Variants in OR1J2 observed in about 807,000 individuals in gnomAD.
The protein encoded by OR1J2 is olfactory receptor family 1 subfamily J member 2.
For synonymous variants in OR1J2, 142 were observed against 99.7 expected (o/e 1.42, Z -2.52); for missense variants, 304 against 246.1 (o/e 1.24, Z -1.57).
chr9:122,510,296 G>A (rs750307912), upstream of OR1J2, among the ~76,000 whole-genome samples: 2 of 152,166 alleles, frequency 1.3e-5, no homozygotes, highest in Non-Finnish European at 2.9e-5. Flanking sequence ...TTTGGGAGCA[G>A]TAACTTGGCT....
the OR1J2 span, among the ~76,000 whole-genome samples, chr9:122,465,030 A>G: frequency 1.3e-5 from 2 of 152,310 alleles, no homozygotes; most frequent in Admixed American, 1.3e-4. Context: ...TTTTGAAAGA[A>G]AAATTTACTT....
the OR1J2 span, among the ~76,000 whole-genome samples, chr9:122,449,225 G>C: frequency 6.6e-6 from 1 of 152,118 alleles, no homozygotes; most frequent in Non-Finnish European, 1.5e-5. Context: ...TCATCTTCCT[G>C]TATCTACAAT....
At chr9:122,557,383 C>A in the OR1J2 span, among the ~76,000 whole-genome samples, 6 of 152,118 alleles carry the variant, frequency 3.9e-5, no homozygotes, top group South Asian at 1.0e-3. Context: ...CTTTATCTCT[C>A]TATTCCTAGT....
the OR1J2 span, chr9:122,519,083 T>G: frequency 1.7e-6 from 2 of 1,178,894 alleles, no homozygotes; most frequent in Non-Finnish European, 2.5e-6. Context: ...AATCAACATT[T>G]GTTTGTTTCT....
the OR1J2 span, chr9:122,554,258 A>G: frequency 2.1e-6 from 2 of 946,902 alleles, no homozygotes; most frequent in Non-Finnish European, 3.2e-6. Flanking sequence ...TATTAGGGGA[A>G]GGTTATCCGT....
the OR1J2 span, among the ~76,000 whole-genome samples, chr9:122,538,193 G>T: frequency 2.1e-5 from 3 of 140,680 alleles, no homozygotes; most frequent in African/African-American, 5.3e-5. Flanking sequence ...CCTTATCTGT[G>T]CCTGCAGGCT....
At chr9:122,507,074 C>G (rs926542963), upstream of OR1J2, among the ~76,000 whole-genome samples, 98 of 152,156 alleles carry the variant, frequency 6.4e-4, no homozygotes, top group African/African-American at 2.2e-3. Context: ...TCTGTTTACT[C>G]AGGACAACAC....
the OR1J2 span, among the ~76,000 whole-genome samples, chr9:122,523,144 A>C: frequency 4.2e-4 from 64 of 152,324 alleles, 1 homozygote; most frequent in Admixed American, 2.0e-3. Context: ...GGGTTGAAGG[A>C]TGCTCAGGAT....
At chr9:122,508,538 C>A (rs1219046356), upstream of OR1J2, among the ~76,000 whole-genome samples, 1 of 152,030 alleles carries the variant, frequency 6.6e-6, no homozygotes, top group Non-Finnish European at 1.5e-5. Flanking sequence ...AGAGGGATGG[C>A]ATAGAGTCTC....
the OR1J2 span, among the ~76,000 whole-genome samples, chr9:122,468,418 T>G: frequency 6.6e-6 from 1 of 152,190 alleles, no homozygotes; most frequent in Non-Finnish European, 1.5e-5. Context: ...GTGCTTTACA[T>G]AAATTTACCA....
At chr9:122,566,362 G>A in the OR1J2 span, among the ~76,000 whole-genome samples, 9,566 of 152,202 alleles carry the variant, frequency 0.063, 422 homozygotes, top group Non-Finnish European at 0.097. Context: ...ATAAAGATGA[G>A]GAAATATTCT....
the OR1J2 span, among the ~76,000 whole-genome samples, chr9:122,566,258 T>C: frequency 6.6e-6 from 1 of 152,230 alleles, no homozygotes. Flanking sequence ...TATGAAGTCT[T>C]TCACCATTGC....
the OR1J2 span, among the ~76,000 whole-genome samples, chr9:122,580,072 G>T: frequency 2.6e-5 from 4 of 152,154 alleles, no homozygotes; most frequent in African/African-American, 9.6e-5. Context: ...CACTAACTGG[G>T]TAATTGGTCA....
chr9:122,531,211 G>A, the OR1J2 span, among the ~76,000 whole-genome samples: 2 of 152,164 alleles, frequency 1.3e-5, no homozygotes, highest in Non-Finnish European at 1.5e-5. Flanking sequence ...GATATTGTGG[G>A]GTTGTTAGAA....
the OR1J2 span, among the ~76,000 whole-genome samples, chr9:122,482,137 A>G: frequency 2.0e-5 from 3 of 152,176 alleles, no homozygotes; most frequent in African/African-American, 7.2e-5. Context: ...AATATCCAGA[A>G]TATATAAGGA....
upstream of OR1J2, among the ~76,000 whole-genome samples, chr9:122,510,087 A>G (rs1828603889): frequency 6.6e-6 from 1 of 152,132 alleles, no homozygotes; most frequent in Non-Finnish European, 1.5e-5. Context: ...GCAAACCACC[A>G]TGGCACACGT....
At chr9:122,574,768 G>C in the OR1J2 span, among the ~76,000 whole-genome samples, 1 of 152,190 alleles carries the variant, frequency 6.6e-6, no homozygotes, top group East Asian at 1.9e-4. Flanking sequence ...TCTTGTTCCT[G>C]AATGTAATGG....
At chr9:122,565,450 G>A in the OR1J2 span, among the ~76,000 whole-genome samples, 3 of 152,290 alleles carry the variant, frequency 2.0e-5, no homozygotes, top group African/African-American at 7.2e-5. Flanking sequence ...TGGCCATGGC[G>A]GCAGGGATGG....
chr9:122,475,729 C>G, the OR1J2 span: 6 of 152,170 alleles, frequency 3.9e-5, no homozygotes, highest in African/African-American at 7.2e-5. Context: ...ATTTAACATC[C>G]TGACACACAC....
Sources: allele counts gnomAD v4.1 joint callset (sites outside exome capture counted in the v4.1 genomes callset), GRCh38; gene constraint gnomAD v4.1.1; transcripts MANE v1.5; gene names NCBI Gene and HGNC (gene_info 2026-07-23, HGNC 2026-07-21).